ARID3B: variants seen among roughly 807,000 people sequenced by gnomAD.
The protein encoded by ARID3B is AT-rich interactive domain-containing protein 3B.
Under a neutral mutation model 51.9 loss-of-function variants are expected in ARID3B, and 10 were observed. The ratio of observed to expected loss-of-function variants is 0.19; its 90% CI spans 0.12 to 0.33. The LOEUF (loss-of-function observed/expected upper bound fraction) is 0.33. Ranked by LOEUF, ARID3B falls within the 10% of genes least tolerant of loss-of-function variation. ARID3B has a pLI of 1.00. For synonymous variants in ARID3B, 205 were observed against 279.5 expected (o/e 0.73, Z 2.66); for missense variants, 483 against 716.3 (o/e 0.67, Z 3.72).
chr15:74,586,991 G>A (rs756780921), intron 4 of ARID3B, among the ~76,000 whole-genome samples: 9 of 152,140 alleles, frequency 5.9e-5, no homozygotes, highest in Admixed American at 1.3e-4. Flanking sequence ...GTGTTTTGGG[G>A]GCAATAGGGA....
intron 4 of ARID3B, among the ~76,000 whole-genome samples, chr15:74,576,596 C>T (rs753642797): frequency 7.9e-5 from 12 of 152,018 alleles, no homozygotes; most frequent in Non-Finnish European, 1.6e-4. Context: ...GACTTGGGGG[C>T]CGTCATGGAG....
intron 4 of ARID3B, among the ~76,000 whole-genome samples, chr15:74,582,371 C>G (rs1361880742): frequency 6.6e-6 from 1 of 152,060 alleles, no homozygotes; most frequent in Non-Finnish European, 1.5e-5. Context: ...TGTCACCATG[C>G]TGGACAGGCT....
At chr15:74,573,292 A>C in intron 4 of ARID3B, 88 bp downstream of exon 4, 1 of 1,385,132 alleles carries the variant, frequency 7.2e-7, no homozygotes. Context: ...ATCCTGGCCC[A>C]CTAATCCTCA....
chr15:74,563,896 T>C (rs1449814816), intron 2 of ARID3B, among the ~76,000 whole-genome samples: 1 of 152,212 alleles, frequency 6.6e-6, no homozygotes, highest in Non-Finnish European at 1.5e-5. Flanking sequence ...GATCATTGCA[T>C]GGAGTGATTC....
Position 74,575,311 on chromosome 15 carries a change from C to T in ARID3B, c.697+2107C>T, listed in dbSNP as rs568005429. ...AAAATGGAAGTGAGATCAGCCAAGC[C>T]GATTGTGAAGATCAGTAATTGTTTA... is the stretch of plus-strand genomic sequence containing the variant. On this transcript the variant is annotated intron_variant, in intron 4 of 8. Transcript: ENST00000346246. 2.0e-5 allele frequency among the ~76,000 whole-genome samples: 3 copies of T among 152,250 alleles called. No individual in the cohort carries two copies. The East Asian group carries it at 5.8e-4, about 29-fold the overall frequency.
intron 2 of ARID3B, among the ~76,000 whole-genome samples, chr15:74,567,389 C>G (rs1372630275): frequency 6.6e-6 from 1 of 151,958 alleles, no homozygotes; most frequent in African/African-American, 2.4e-5. Flanking sequence ...TATATGTGTT[C>G]AGTTTGTTTT....
intron 4 of ARID3B, among the ~76,000 whole-genome samples, chr15:74,576,150 T>C (rs1047635160): frequency 6.6e-6 from 1 of 152,048 alleles, no homozygotes; most frequent in Admixed American, 6.6e-5. Flanking sequence ...CCACCTCGGC[T>C]TTTCAGAGTG....
At chr15:74,583,888 A>G (rs2061770767) in intron 4 of ARID3B, among the ~76,000 whole-genome samples, 1 of 152,184 alleles carries the variant, frequency 6.6e-6, no homozygotes, top group South Asian at 2.1e-4. Flanking sequence ...TTGTCAGTCT[A>G]TACTAGCATA....
At chr15:74,593,285 C>T (rs1233763961) in intron 8 of ARID3B, 49 bp downstream of exon 8, 2 of 1,553,622 alleles carry the variant, frequency 1.3e-6, no homozygotes, top group Admixed American at 3.6e-5. Flanking sequence ...CAGCTAGCCA[C>T]AGGGCAGCTC....
At chr15:74,565,147 C>T (rs897755604) in intron 2 of ARID3B, among the ~76,000 whole-genome samples, 10 of 151,994 alleles carry the variant, frequency 6.6e-5, no homozygotes, top group Non-Finnish European at 1.0e-4. Flanking sequence ...CAGGCTCAAG[C>T]GCTCCTCCCA....
At chr15:74,557,677 A>G (rs142916529) in intron 2 of ARID3B, among the ~76,000 whole-genome samples, 378 of 152,244 alleles carry the variant, frequency 2.5e-3, no homozygotes, top group African/African-American at 8.9e-3. Flanking sequence ...GGCCATTGCA[A>G]GGTTATTATT....
At chr15:74,567,465 C>A (rs1422349346) in intron 2 of ARID3B, among the ~76,000 whole-genome samples, 2 of 151,674 alleles carry the variant, frequency 1.3e-5, no homozygotes, top group East Asian at 3.9e-4. Context: ...GTATTCTCAG[C>A]AGCTTGCACA....
At position 74,593,256 on chromosome 15, in the gene ARID3B, G is replaced by A. The variant is rs1411900067; in HGVS notation, c.1519+20G>A. 1 of 1,606,294 alleles carries A rather than the reference G, an allele frequency of 6.2e-7. No homozygotes were observed. Among genetic ancestry groups the A allele is most frequent in the East Asian group, 2.2e-5 (1 of 44,506 alleles). ...ATGCAGGTGAGGCCCTGGAGCTCTGGGGGAGGCCCACGTGGCCGCAGCTAG... is the reference window on the plus strand; with the variant it reads ...ATGCAGGTGAGGCCCTGGAGCTCTGAGGGAGGCCCACGTGGCCGCAGCTAG... On this transcript the variant is annotated intron_variant, in intron 8 of 8. Coordinates refer to ENST00000346246, the MANE Select transcript of ARID3B (RefSeq NM_006465.4).
intron 2 of ARID3B, among the ~76,000 whole-genome samples, chr15:74,557,619 A>T (rs922127921): frequency 6.6e-6 from 1 of 151,926 alleles, no homozygotes; most frequent in African/African-American, 2.4e-5. Flanking sequence ...CTAGCTTTTT[A>T]TTTAAAGTGA....
chr15:74,591,490 T>A lies in ARID3B; in HGVS notation c.1165+56T>A. The A allele has an allele frequency of 6.3e-7, 1 of 1,592,408 alleles. No individual in the cohort carries two copies. The highest frequency in any genetic ancestry group is 8.6e-7 in the Non-Finnish European group (1 of 1,165,078). ...AAGGGAGGAAGGGATGCCAGTTCCC[T>A]GTGTTCAAGACTGGGGTTTTGGGGC... On this transcript the variant is annotated intron_variant, in intron 6 of 8. Transcript: ENST00000346246. This position sits in a 1 kb window ranked among gnomAD's most constrained non-coding sequence, Gnocchi z 5.8.
chr15:74,590,921 TAATG>T, intron 5 of ARID3B, among the ~76,000 whole-genome samples: 1 of 152,326 alleles, frequency 6.6e-6, no homozygotes. Flanking sequence ...TTATTTCCCC[TAATG>T]AATGGTGCTT....
chr15:74,576,047 C>T (rs1212508276), intron 4 of ARID3B, among the ~76,000 whole-genome samples: 1 of 152,174 alleles, frequency 6.6e-6, no homozygotes, highest in Non-Finnish European at 1.5e-5. Flanking sequence ...TAGGTAGGCA[C>T]CACCATGCCT....
intron 7 of ARID3B, 143 bp from the exon 8 acceptor site, chr15:74,592,995 A>G (rs1412333818): frequency 6.4e-6 from 4 of 622,162 alleles, no homozygotes; most frequent in Non-Finnish European, 1.1e-5. Flanking sequence ...ATCTCCTGCC[A>G]TACCCTACAC....
chr15:74,570,764 G>C (rs2061716582), intron 2 of ARID3B, among the ~76,000 whole-genome samples: 1 of 152,236 alleles, frequency 6.6e-6, no homozygotes, highest in Non-Finnish European at 1.5e-5. Context: ...ATGTAACTCT[G>C]TCTGGTTTTG....
Sources: gnomAD v4.1 joint callset for allele counts (sites outside exome capture counted in the v4.1 genomes callset) on GRCh38, gnomAD v4.1.1 for gene constraint, Gnocchi (gnomAD v3.1) non-coding constraint, MANE v1.5 for transcripts, NCBI Gene and HGNC (gene_info 2026-07-23, HGNC 2026-07-21) for gene names.